The following DOCK2 variants were observed in gnomAD, a reference collection of about 807,000 sequenced individuals.
The protein encoded by DOCK2 is dedicator of cytokinesis 2.
In DOCK2, 87 loss-of-function variants were observed where a neutral mutation model predicts 248.9. The observed-to-expected ratio is 0.35, with a 90% CI of 0.29 to 0.42. DOCK2 has a LOEUF of 0.42. Ranked by LOEUF, DOCK2 falls within the 10% of genes least tolerant of loss-of-function variation. The pLI, the probability that DOCK2 is intolerant of heterozygous loss-of-function variation, is 1.00. For synonymous variants in DOCK2, 805 were observed against 821.6 expected (o/e 0.98, Z 0.35); for missense variants, 1,747 against 2,300.2 (o/e 0.76, Z 4.92).
At chr5:169,833,621 G>T (rs987365053) in intron 26 of DOCK2, among the ~76,000 whole-genome samples, 5 of 152,258 alleles carry the variant, frequency 3.3e-5, no homozygotes, top group African/African-American at 1.2e-4. Flanking sequence ...GTTATTGAAG[G>T]TGTATTCAAT....
At chr5:169,895,434 G>A (rs79960070) in intron 27 of DOCK2, among the ~76,000 whole-genome samples, 9,338 of 152,074 alleles carry the variant, frequency 0.061, 358 homozygotes, top group Non-Finnish European at 0.088. Flanking sequence ...CTGGAGATCC[G>A]GGGACAGGGG....
At chr5:169,740,000 A>T (rs916820387) in intron 22 of DOCK2, among the ~76,000 whole-genome samples, 1 of 152,228 alleles carries the variant, frequency 6.6e-6, no homozygotes, top group Non-Finnish European at 1.5e-5. Context: ...TGGGGGGAAA[A>T]ACCCTAAATA....
chr5:169,727,723 T>C (rs2113608698), intron 22 of DOCK2, among the ~76,000 whole-genome samples: 2 of 152,314 alleles, frequency 1.3e-5, no homozygotes, highest in Admixed American at 1.3e-4. Flanking sequence ...TAATTTAGAC[T>C]AGCAGATGGA....
At chr5:170,030,119 A>T (rs1756077909) in intron 34 of DOCK2, among the ~76,000 whole-genome samples, 1 of 152,234 alleles carries the variant, frequency 6.6e-6, no homozygotes, top group South Asian at 2.1e-4. Flanking sequence ...CCAGAAGTGA[A>T]GCAATGTACA....
At chr5:169,893,805 T>C (rs1480197044) in intron 27 of DOCK2, among the ~76,000 whole-genome samples, 1 of 152,220 alleles carries the variant, frequency 6.6e-6, no homozygotes, top group Non-Finnish European at 1.5e-5. Context: ...TTTTCAATGT[T>C]GACGTGTCAA....
In DOCK2 at chr5:170,057,465, G is replaced by T. The variant is rs1003717739; in HGVS notation, c.4381-115G>T. The T allele has an allele frequency of 4.9e-6, 4 of 813,156 alleles. No homozygotes were observed. The East Asian group carries it at 1.0e-4, about 21-fold the overall frequency. The allele number at this position is 813,156 out of a possible 1,614,324, so 50.4% of individuals were successfully genotyped here. ...TCTTGCAATATTTATTCTGCTTTCGGGTAGATGGGAGGCCCGGGGACCTGG... is the reference window on the plus strand; with the variant it reads ...TCTTGCAATATTTATTCTGCTTTCGTGTAGATGGGAGGCCCGGGGACCTGG... On this transcript the variant is annotated intron_variant, in intron 43 of 51. Coordinates refer to ENST00000520908, the MANE Select transcript of DOCK2 (RefSeq NM_004946.3).
chr5:169,747,355 T>A (rs1484248522), intron 22 of DOCK2, 41 bp from the exon 23 acceptor site: 1 of 1,564,274 alleles, frequency 6.4e-7, no homozygotes, highest in Non-Finnish European at 8.7e-7. Context: ...AAAAGTATTG[T>A]CTGTTAGCTT....
chr5:169,722,178 CTT>C (rs2113576229), intron 22 of DOCK2, among the ~76,000 whole-genome samples: 1 of 152,338 alleles, frequency 6.6e-6, no homozygotes, highest in South Asian at 2.1e-4. Context: ...TACGATTCAG[CTT>C]CTTTACAAAG....
chr5:169,652,231 T>G (rs1270813515), intron 1 of DOCK2, among the ~76,000 whole-genome samples: 3 of 152,214 alleles, frequency 2.0e-5, no homozygotes, highest in African/African-American at 7.2e-5. Flanking sequence ...CAGGGCAGGG[T>G]GCAAGCCTTG....
chr5:170,034,305 C>A, intron 34 of DOCK2, 94 bp from the exon 35 acceptor site: 1 of 1,498,238 alleles, frequency 6.7e-7, no homozygotes. Context: ...GGTTGACTGA[C>A]TGATTTTGCA....
chr5:170,036,467 G>A, intron 35 of DOCK2, 48 bp from the exon 36 acceptor site: 1 of 1,589,428 alleles, frequency 6.3e-7, no homozygotes, highest in Non-Finnish European at 8.6e-7. Flanking sequence ...TGACCGCTGT[G>A]ATATTGCAGA....
chr5:169,887,110 C>T (rs1329171483), intron 27 of DOCK2, among the ~76,000 whole-genome samples: 1 of 152,174 alleles, frequency 6.6e-6, no homozygotes, highest in Non-Finnish European at 1.5e-5. Context: ...AGGCTTCTCA[C>T]CATTGGGCCT....
intron 27 of DOCK2, among the ~76,000 whole-genome samples, chr5:169,904,075 G>C (rs1774127884): frequency 7.3e-6 from 1 of 136,262 alleles, no homozygotes; most frequent in Non-Finnish European, 1.5e-5. Flanking sequence ...CTGGGCAACA[G>C]AGCAAGACTT....
At chr5:169,658,276 C>T (rs1377721455) in intron 2 of DOCK2, among the ~76,000 whole-genome samples, 2 of 151,624 alleles carry the variant, frequency 1.3e-5, no homozygotes, top group East Asian at 1.9e-4. Context: ...GTCAGGAGAT[C>T]GAGACCCTCC....
At chr5:169,773,148 G>T (rs1450367363) in intron 25 of DOCK2, 1 of 152,180 alleles carries the variant, frequency 6.6e-6, no homozygotes, top group African/African-American at 2.4e-5. Flanking sequence ...CTGTTCTGAT[G>T]TGACAGATTG....
intron 23 of DOCK2, among the ~76,000 whole-genome samples, chr5:169,755,837 G>C (rs944350880): frequency 6.6e-6 from 1 of 152,210 alleles, no homozygotes; most frequent in Non-Finnish European, 1.5e-5. Context: ...GTCTCCCATA[G>C]GTCTTATGGT....
In DOCK2 at chr5:169,831,738, A is replaced by G. The variant is rs77767185; in HGVS notation, c.2704-9019A>G. Among the ~76,000 whole-genome samples the G allele has an allele frequency of 5.2e-3, 788 of 152,326 alleles. 8 individuals are homozygous for G. The highest frequency in any genetic ancestry group is 0.018 in the African/African-American group (761 of 41,566). On this transcript the variant is annotated intron_variant, in intron 26 of 51. Coordinates refer to ENST00000520908, the MANE Select transcript of DOCK2 (RefSeq NM_004946.3). The stretch of plus-strand genomic sequence containing the variant: ...GTACATGCCACATATTAAAAACTCA[A>G]AAGATATTAGCTCTCAGTGTTGGAA...
intron 27 of DOCK2, among the ~76,000 whole-genome samples, chr5:169,856,640 A>T (rs1374291487): frequency 1.3e-5 from 2 of 152,224 alleles, no homozygotes; most frequent in Admixed American, 1.3e-4. Context: ...AAAGACAATG[A>T]CACCAGCAAG....
At chr5:169,661,827 T>C (rs760758475) in intron 2 of DOCK2, among the ~76,000 whole-genome samples, 2 of 152,364 alleles carry the variant, frequency 1.3e-5, no homozygotes, top group Non-Finnish European at 2.9e-5. Flanking sequence ...TTCCATTGTA[T>C]ATGTATATTA....
Sources: allele counts gnomAD v4.1 joint callset (sites outside exome capture counted in the v4.1 genomes callset), GRCh38; gene constraint gnomAD v4.1.1; transcripts MANE v1.5; gene names NCBI Gene and HGNC (gene_info 2026-07-23, HGNC 2026-07-21).